LDB2: variants seen among roughly 807,000 people sequenced by gnomAD.
LDB2 encodes the protein LIM domain-binding protein 2.
LDB2 carries 12 observed loss-of-function variants against 44.3 expected under a neutral mutation model. The ratio of observed to expected loss-of-function variants is 0.27; its 90% CI spans 0.17 to 0.44. The LOEUF is 0.44. Ranked by LOEUF, LDB2 falls within the 20% of genes least tolerant of loss-of-function variation. The pLI is 1.00. For synonymous variants in LDB2, 164 were observed against 174.8 expected (o/e 0.94, Z 0.49); for missense variants, 344 against 473.5 (o/e 0.73, Z 2.54).
intron 5 of LDB2, among the ~76,000 whole-genome samples, chr4:16,527,656 T>C (rs1031640155): frequency 3.9e-5 from 6 of 152,098 alleles, no homozygotes; most frequent in Admixed American, 1.3e-4. Flanking sequence ...ATTGCGAAAA[T>C]GTGGAACCAG....
chr4:16,530,040 G>A (rs1034303677), intron 5 of LDB2, among the ~76,000 whole-genome samples: 42 of 152,158 alleles, frequency 2.8e-4, no homozygotes, highest in African/African-American at 8.0e-4. Context: ...ACAATCACAA[G>A]TTCACTCTGG....
rs71649971 is a variant in LDB2, at chr4:16,615,069, C to CAAAAA, written c.236-19199_236-19195dup. On this transcript the variant is annotated intron_variant, in intron 2 of 7. Transcript: ENST00000304523. The stretch of plus-strand genomic sequence containing the variant: ...TGGGCGACAGAGCGAGACTCCGTCT[C>CAAAAA]AAAAAAAAAAAAAAAAAAAAAAAGT... 1.1e-4 allele frequency among the ~76,000 whole-genome samples: 5 copies of CAAAAA among 47,288 alleles called. 1 individual carries two copies. Among genetic ancestry groups the CAAAAA allele is most frequent in the Admixed American group, 2.8e-4 (1 of 3,612 alleles). The allele number at this position is 47,288 out of a possible 152,430, so 31.0% of individuals were successfully genotyped here.
intron 2 of LDB2, among the ~76,000 whole-genome samples, chr4:16,733,945 A>C (rs190200895): frequency 1.3e-5 from 2 of 152,336 alleles, no homozygotes; most frequent in East Asian, 3.9e-4. Flanking sequence ...AATACTTGGG[A>C]GAGACGGAGC....
intron 2 of LDB2, among the ~76,000 whole-genome samples, chr4:16,645,369 T>A (rs1736443332): frequency 6.6e-6 from 1 of 151,524 alleles, no homozygotes. Flanking sequence ...ACCCCGTCTC[T>A]ACTAAAAATG....
At chr4:16,876,498 C>T (rs779148015) in intron 1 of LDB2, among the ~76,000 whole-genome samples, 1 of 152,104 alleles carries the variant, frequency 6.6e-6, no homozygotes, top group African/African-American at 2.4e-5. Context: ...CACTAATAGG[C>T]GATTAAATGT....
At chr4:16,842,445 C>T (rs934618231) in intron 1 of LDB2, among the ~76,000 whole-genome samples, 4 of 152,088 alleles carry the variant, frequency 2.6e-5, no homozygotes, top group African/African-American at 9.7e-5. Flanking sequence ...AAAATCCATG[C>T]TCTAAACAGT....
intron 1 of LDB2, among the ~76,000 whole-genome samples, chr4:16,883,245 C>A (rs1720680395): frequency 6.6e-6 from 1 of 152,200 alleles, no homozygotes; most frequent in Admixed American, 6.5e-5. Flanking sequence ...TTGGATGTGA[C>A]AGGTTAAAAA....
At chr4:16,791,578 A>C (rs1775764744) in intron 1 of LDB2, among the ~76,000 whole-genome samples, 1 of 149,534 alleles carries the variant, frequency 6.7e-6, no homozygotes, top group South Asian at 2.1e-4. Flanking sequence ...AAAAAGAAAG[A>C]CAGCCATTAC....
chr4:16,532,660 T>C (rs1045734933), intron 5 of LDB2, among the ~76,000 whole-genome samples: 1 of 152,202 alleles, frequency 6.6e-6, no homozygotes, highest in South Asian at 2.1e-4. Context: ...AAATACTTGA[T>C]AAATGTTGCT....
At chr4:16,774,911 C>A (rs899285251) in intron 1 of LDB2, among the ~76,000 whole-genome samples, 9 of 152,158 alleles carry the variant, frequency 5.9e-5, no homozygotes, top group African/African-American at 2.2e-4. Flanking sequence ...AACTAATGAA[C>A]AGATAAACAA....
At chr4:16,537,591 A>T (rs1350751892) in intron 5 of LDB2, among the ~76,000 whole-genome samples, 1 of 152,160 alleles carries the variant, frequency 6.6e-6, no homozygotes, top group Admixed American at 6.5e-5. Context: ...TTCTACAGTT[A>T]TCTGTGGGCA....
intron 1 of LDB2, among the ~76,000 whole-genome samples, chr4:16,831,303 ATAAAG>A (rs1466110062): frequency 6.6e-6 from 1 of 151,796 alleles, no homozygotes; most frequent in African/African-American, 2.4e-5. Context: ...CAATACAGAG[ATAAAG>A]TAAGAGGAAG....
chr4:16,864,292 C>G (rs1375966456), intron 1 of LDB2, among the ~76,000 whole-genome samples: 2 of 152,056 alleles, frequency 1.3e-5, no homozygotes, highest in Non-Finnish European at 2.9e-5. Flanking sequence ...GTTTTAAGGG[C>G]AAAACTAGGA....
At chr4:16,717,849 A>C (rs1757414516) in intron 2 of LDB2, among the ~76,000 whole-genome samples, 1 of 152,118 alleles carries the variant, frequency 6.6e-6, no homozygotes, top group African/African-American at 2.4e-5. Context: ...TTTTCCTCAA[A>C]ATATGGCTGC....
At chr4:16,638,249 C>G (rs1734149924) in intron 2 of LDB2, among the ~76,000 whole-genome samples, 1 of 152,188 alleles carries the variant, frequency 6.6e-6, no homozygotes, top group African/African-American at 2.4e-5. Context: ...CAGCCCCACA[C>G]TTTCACTTGG....
At chr4:16,570,706 G>A (rs1746206969) in intron 5 of LDB2, among the ~76,000 whole-genome samples, 1 of 151,178 alleles carries the variant, frequency 6.6e-6, no homozygotes, top group Admixed American at 6.6e-5. Flanking sequence ...CATTTGTCTT[G>A]CAATCTGAAT....
chr4:16,550,196 A>G (rs1357592221), intron 5 of LDB2, among the ~76,000 whole-genome samples: 1 of 152,214 alleles, frequency 6.6e-6, no homozygotes, highest in Non-Finnish European at 1.5e-5. Context: ...AACCCTCTTC[A>G]TTCTGAATTC....
At chr4:16,755,278 C>G (rs1308100437) in intron 2 of LDB2, among the ~76,000 whole-genome samples, 1 of 152,124 alleles carries the variant, frequency 6.6e-6, no homozygotes, top group Admixed American at 6.5e-5. Context: ...AAGGAAATAG[C>G]AACACTTTAT....
At chr4:16,542,148 G>A (rs71603324) in intron 5 of LDB2, among the ~76,000 whole-genome samples, 2 of 146,196 alleles carry the variant, frequency 1.4e-5, no homozygotes. Flanking sequence ...CAGTACCCTA[G>A]AAGGCAGCCT....
Sources: gnomAD v4.1 joint callset for allele counts (sites outside exome capture counted in the v4.1 genomes callset) on GRCh38, gnomAD v4.1.1 for gene constraint, MANE v1.5 for transcripts, NCBI Gene and HGNC (gene_info 2026-07-23, HGNC 2026-07-21) for gene names.